The following ASB3 variants were observed in gnomAD, a reference collection of about 807,000 sequenced individuals.
ASB3 encodes the protein ankyrin repeat and SOCS box protein 3.
In ASB3, 41 loss-of-function variants were observed where a neutral mutation model predicts 54.5. The observed-to-expected ratio is 0.75, with a 90% CI of 0.59 to 0.98. The LOEUF (loss-of-function observed/expected upper bound fraction) is 0.98, where lower values mean the gene tolerates loss of function less well. Among genes scored for constraint, ASB3 ranks in the 50% least tolerant of loss-of-function variants. The probability of loss-of-function intolerance (pLI) is 0.00; values close to 1 mark genes in which losing one functional copy is unlikely to be tolerated. For missense variants in ASB3, 733 were observed against 620.0 expected (o/e 1.18, Z -1.94); for synonymous variants, 266 against 221.2 (o/e 1.20, Z -1.80).
intron 2 of ASB3, among the ~76,000 whole-genome samples, chr2:53,762,896 T>C (rs543682020): frequency 5.3e-5 from 8 of 152,352 alleles, no homozygotes; most frequent in African/African-American, 1.7e-4. Flanking sequence ...CAGAAGACCA[T>C]GTATGGTACT....
intron 1 of ASB3, among the ~76,000 whole-genome samples, chr2:53,781,578 G>A (rs1674653146): frequency 6.6e-6 from 1 of 151,882 alleles, no homozygotes; most frequent in Non-Finnish European, 1.5e-5. Flanking sequence ...TCACCACAAT[G>A]TCTGCCTCCC....
chr2:53,708,850 C>A (rs948872473), intron 7 of ASB3, among the ~76,000 whole-genome samples: 2 of 152,200 alleles, frequency 1.3e-5, no homozygotes, highest in Admixed American at 1.3e-4. Flanking sequence ...AGCAGCAAAG[C>A]AGCCTGTCTG....
chr2:53,692,509 A>T (rs1668969270), intron 9 of ASB3, among the ~76,000 whole-genome samples: 1 of 152,166 alleles, frequency 6.6e-6, no homozygotes, highest in Non-Finnish European at 1.5e-5. Context: ...TCAATAGATG[A>T]TGATTATTAC....
At position 53,714,389 on chromosome 2, in the gene ASB3, T is replaced by C. The variant is rs781117148; in HGVS notation, c.975A>G (p.Gln325=). ...AACATAGCAAATATACATACTCCTT[T>C]TGGAAAGCCATGCACACAGGAGAAC... ...GFSSPVCMAF[Q]KDCEFFGIVN... Residue 325 remains glutamine, a synonymous_variant, in exon 7 of 10, where the codon CAA becomes CAG. Transcript: ENST00000263634. The C allele has an allele frequency of 1.9e-6, 3 of 1,614,128 alleles. No homozygotes were observed. Among genetic ancestry groups the C allele is most frequent in the African/African-American group, 2.7e-5 (2 of 75,062 alleles).
chr2:53,733,971 G>C (rs974104080), intron 3 of ASB3, among the ~76,000 whole-genome samples: 6 of 152,244 alleles, frequency 3.9e-5, no homozygotes, highest in African/African-American at 1.4e-4. Flanking sequence ...GGATGGGTTT[G>C]GCTAGTTATC....
At chr2:53,781,431 G>T (rs1323519640) in intron 1 of ASB3, among the ~76,000 whole-genome samples, 2 of 151,332 alleles carry the variant, frequency 1.3e-5, no homozygotes, top group Non-Finnish European at 2.9e-5. Context: ...AAAAAAAAGT[G>T]AGAGATGGTA....
Position 53,774,357 on chromosome 2 carries a change from A to G in ASB3, c.-13-8772T>C, listed in dbSNP as rs1674179023. On this transcript the variant is annotated intron_variant, in intron 1 of 9. Transcript: ENST00000263634. ...CTGCACCTCTGGAAGACATTGCTGA[A>G]CAAATTTTTAATGCAGCTGGTCCAA... 9.9e-6 allele frequency: 16 copies of G among 1,613,518 alleles called. No homozygotes were observed. The East Asian group carries it at 3.6e-4, about 36-fold the overall frequency.
At chr2:53,710,003 G>C in intron 7 of ASB3, among the ~76,000 whole-genome samples, 1 of 152,202 alleles carries the variant, frequency 6.6e-6, no homozygotes, top group African/African-American at 2.4e-5. Context: ...AGCCATATGA[G>C]TGATCCATGT....
At chr2:53,718,262 T>A (rs1230250615) in intron 5 of ASB3, among the ~76,000 whole-genome samples, 1 of 149,556 alleles carries the variant, frequency 6.7e-6, no homozygotes, top group African/African-American at 2.5e-5. Flanking sequence ...AAAGAAAAAA[T>A]CTTACAGGCA....
At chr2:53,728,108 T>A (rs1671109533) in intron 5 of ASB3, among the ~76,000 whole-genome samples, 1 of 151,996 alleles carries the variant, frequency 6.6e-6, no homozygotes, top group African/African-American at 2.4e-5. Context: ...GAAGAGCATA[T>A]CTGGTGTTTG....
chr2:53,696,730 T>TA (rs1669201164), intron 8 of ASB3, among the ~76,000 whole-genome samples: 1 of 152,038 alleles, frequency 6.6e-6, no homozygotes, highest in East Asian at 1.9e-4. Context: ...AATACAACAA[T>TA]AAAAAATAAC....
rs3770416 is a variant in ASB3, at chr2:53,673,916, T to C, written c.1370-3226A>G. On this transcript the variant is annotated intron_variant, in intron 9 of 9. Coordinates refer to ENST00000263634, the MANE Select transcript of ASB3 (RefSeq NM_016115.5). ...TATGTTCAGCTGAACTGAGGGAGTG[T>C]TTCATGTGTAGATTATTAACACAGA... Among the ~76,000 whole-genome samples the C allele has an allele frequency of 5.9e-5, 9 of 152,316 alleles. No homozygotes were observed. The East Asian group carries it at 1.7e-3, about 29-fold the overall frequency.
chr2:53,711,839 C>G (rs1184412727), intron 7 of ASB3, among the ~76,000 whole-genome samples: 1 of 151,870 alleles, frequency 6.6e-6, no homozygotes, highest in Non-Finnish European at 1.5e-5. Flanking sequence ...AGTTACCACT[C>G]TCTTTCATAA....
intron 8 of ASB3, among the ~76,000 whole-genome samples, chr2:53,696,696 C>G (rs1330957117): frequency 6.6e-6 from 1 of 151,990 alleles, no homozygotes. Flanking sequence ...ATTGAGAATA[C>G]TAACAACAAT....
chr2:53,715,064 G>C (rs1166882204), intron 6 of ASB3, among the ~76,000 whole-genome samples: 4 of 151,892 alleles, frequency 2.6e-5, no homozygotes, highest in Non-Finnish European at 4.4e-5. Flanking sequence ...ATGAAATTAA[G>C]ACTAATGTTT....
At chr2:53,776,398 C>G (rs188214078) in intron 1 of ASB3, among the ~76,000 whole-genome samples, 1 of 152,298 alleles carries the variant, frequency 6.6e-6, no homozygotes, top group East Asian at 1.9e-4. Context: ...CATCACATCA[C>G]GCTAAAAGTT....
At position 53,750,939 on chromosome 2, in the gene ASB3, A is replaced by C; in HGVS notation, c.199T>G (p.Ser67Ala). 6.5e-7 allele frequency: 1 copy of C among 1,541,778 alleles called. No individual in the cohort carries two copies. The highest frequency in any genetic ancestry group is 8.7e-7 in the Non-Finnish European group (1 of 1,145,788). The change falls in exon 3 of 10, where the codon TCA becomes GCA. Residue 67 changes from serine to alanine, a missense_variant and splice_region_variant. Transcript: ENST00000263634. ...ECLQMLINAD[S>A]SENYIKMKTF... is the part of the protein sequence containing the mutation. ...TTCATCTTAATGTAGTTTTCAGATG[A>C]ATCTGTGGAAGAATCAAAGCCCATC...
intron 3 of ASB3, among the ~76,000 whole-genome samples, chr2:53,744,610 A>T (rs918370621): frequency 6.6e-6 from 1 of 152,144 alleles, no homozygotes; most frequent in African/African-American, 2.4e-5. Flanking sequence ...CAATCACTGA[A>T]GATTAATCTT....
chr2:53,774,343 G>A, intron 1 of ASB3: 1 of 1,613,568 alleles, frequency 6.2e-7, no homozygotes, highest in South Asian at 1.1e-5. Context: ...TGCACCTCTG[G>A]AAGACATTGC....
Sources: allele counts gnomAD v4.1 joint callset (sites outside exome capture counted in the v4.1 genomes callset), GRCh38; gene constraint gnomAD v4.1.1; transcripts MANE v1.5; gene names NCBI Gene and HGNC (gene_info 2026-07-23, HGNC 2026-07-21).